Variants in ELOB observed in about 807,000 individuals in gnomAD.
The protein encoded by ELOB is elongin-B.
ELOB carries 3 observed loss-of-function variants against 12.9 expected under a neutral mutation model. The ratio of observed to expected loss-of-function variants is 0.23; its 90% confidence interval spans 0.11 to 0.60. ELOB has a LOEUF of 0.60. ELOB is among the 20% of genes least tolerant of loss of function. The pLI is 0.89. For synonymous variants in ELOB, 84 were observed against 67.4 expected, an observed-to-expected ratio of 1.25 and a Z score of -1.21; for missense variants, 126 against 159.2, an observed-to-expected ratio of 0.79 and a Z score of 1.12.
At position 2,777,249 on chromosome 16, in the gene ELOB, T is replaced by G. The variant is rs1296224640; in HGVS notation, c.-10A>C. On this transcript the variant is annotated 5_prime_UTR_variant, in exon 1 of 4. Coordinates refer to ENST00000409906, the MANE Select transcript of ELOB (RefSeq NM_007108.4). ...CACGCCCGCTCACCATCGCGGCTGC[T>G]GCCTCTCCCCTCGACGCGCCGGCGC... 4 of 1,024,412 alleles carry G rather than the reference T, an allele frequency of 3.9e-6. No homozygotes were observed. Among genetic ancestry groups the G allele is most frequent in the Non-Finnish European group, 4.7e-6 (4 of 855,162 alleles). The allele number at this position is 1,024,412 out of a possible 1,614,324, so 63.5% of individuals were successfully genotyped here.
At chr16:2,772,370 A>G in intron 3 of ELOB, 1 of 275,152 alleles carries the variant, frequency 3.6e-6, no homozygotes, top group Non-Finnish European at 6.9e-6. Flanking sequence ...TTCCATGTCC[A>G]CTAGTGAGTC....
intron 3 of ELOB, among the ~76,000 whole-genome samples, chr16:2,773,208 G>A (rs888921909): frequency 2.0e-5 from 3 of 152,074 alleles, no homozygotes; most frequent in Admixed American, 2.0e-4. Flanking sequence ...GGCATCCCAG[G>A]GAAAGCTGGA....
At position 2,771,889 on chromosome 16, in the gene ELOB, A is replaced by G. The variant is rs541577008; in HGVS notation, c.*101T>C. 145 of 1,486,932 alleles carry G rather than the reference A, an allele frequency of 9.8e-5. No homozygotes were observed. The highest frequency in any genetic ancestry group is 5.6e-4 in the Admixed American group (24 of 42,644). 92.1% of individuals were successfully genotyped at this position (1,486,932 alleles called of 1,614,324 possible). ...AGCACAAGCCCCAAAAGGAGCCCAC[A>G]GGGAGTGGGACCCATCCCAGGGAGG... On this transcript the variant is annotated 3_prime_UTR_variant, in exon 4 of 4. Coordinates refer to ENST00000409906, the MANE Select transcript of ELOB (RefSeq NM_007108.4).
Position 2,776,960 on chromosome 16 carries a change from ACCCGCTCCCCTCGG to A in ELOB, c.138+19_138+32del. Reference sequence around the variant, plus strand: ...GTCAGCCCCGTGCCCGGCGCCGGGTACCCGCTCCCCTCGGCCCGCCCGCGGGACCCACCTTGTAC... The same window carrying A: ...GTCAGCCCCGTGCCCGGCGCCGGGTACCCGCCCGCGGGACCCACCTTGTAC... On this transcript the variant is annotated intron_variant, in intron 2 of 3. Coordinates refer to ENST00000409906, the MANE Select transcript of ELOB (RefSeq NM_007108.4). The A allele has an allele frequency of 2.0e-6, 3 of 1,537,336 alleles. No individual in the cohort carries two copies. The highest frequency in any genetic ancestry group is 2.6e-6 in the Non-Finnish European group (3 of 1,140,708).
In ELOB at chr16:2,777,086, G is replaced by C; in HGVS notation, c.45C>G (p.Phe15Leu). The change falls in exon 2 of 4, where the codon TTC becomes TTG. Residue 15 changes from phenylalanine to leucine, a missense_variant. Coordinates refer to ENST00000409906, the MANE Select transcript of ELOB (RefSeq NM_007108.4). The part of the protein sequence containing the change: ...LMIRRHKTTI[F>L]TDAKESSTVF... ...CCGTGCTGGACTCCTTGGCGTCCGT[G>C]AAGATGGTGGTCTTGTGGCGCCGGA... 1 of 1,599,136 alleles carries C rather than the reference G, an allele frequency of 6.3e-7. No homozygotes were observed. Among genetic ancestry groups the C allele is most frequent in the Non-Finnish European group, 8.5e-7 (1 of 1,174,540 alleles).
At chr16:2,773,243 C>G (rs989339020) in intron 3 of ELOB, among the ~76,000 whole-genome samples, 37 of 152,024 alleles carry the variant, frequency 2.4e-4, no homozygotes, top group Admixed American at 6.5e-5. Flanking sequence ...TTGTGGCGGT[C>G]ACAAATGGGG....
At position 2,771,530 on chromosome 16, in the gene ELOB, C is replaced by T; in HGVS notation, c.*460G>A. 1 of 1,614,206 alleles carries T rather than the reference C, an allele frequency of 6.2e-7. No individual in the cohort carries two copies. On this transcript the variant is annotated 3_prime_UTR_variant, in exon 4 of 4. Coordinates refer to ENST00000409906, the MANE Select transcript of ELOB (RefSeq NM_007108.4). ...TCCGTCTTGGGGTTCCCTCGTTGAA[C>T]ATGCTGTCAAACCAGGACACTGGCT...
Position 2,777,032 on chromosome 16 carries a change from G to A in ELOB, c.99C>T (p.Gly33=), listed in dbSNP as rs1378683620. Residue 33 remains glycine, a synonymous_variant, in exon 2 of 4, where the codon GGC becomes GGT. Coordinates refer to ENST00000409906, the MANE Select transcript of ELOB (RefSeq NM_007108.4). ...TVFELKRIVE[G]ILKRPPDEQR... Reference sequence around the variant, plus strand: ...GCTCGTCAGGAGGCCGCTTGAGGATGCCCTCGACGATGCGCTTCAGTTCGA... The same window carrying A: ...GCTCGTCAGGAGGCCGCTTGAGGATACCCTCGACGATGCGCTTCAGTTCGA... The A allele has an allele frequency of 2.5e-6, 4 of 1,605,044 alleles. No individual in the cohort carries two copies. Among genetic ancestry groups the A allele is most frequent in the South Asian group, 1.1e-5 (1 of 89,952 alleles).
intron 2 of ELOB, among the ~76,000 whole-genome samples, chr16:2,776,044 C>T (rs1285105485): frequency 6.6e-6 from 1 of 152,196 alleles, no homozygotes. Context: ...GACCATGCCA[C>T]CACGGCTGGC....
At chr16:2,776,898 G>T in intron 2 of ELOB, 95 bp downstream of exon 2, 3 of 1,423,082 alleles carry the variant, frequency 2.1e-6, no homozygotes, top group South Asian at 2.6e-5. Context: ...CGCAGGCGTC[G>T]CCGGCCGCTA....
rs200603469 is a variant in ELOB at position 2,771,443 on chromosome 16, G to C, written c.*547C>G. The stretch of plus-strand genomic sequence containing the variant: ...TCTGTAGACTGTTTATTAAAGGTGT[G>C]TTAAGGGGGCAGCCACTTCCCTCCG... On this transcript the variant is annotated 3_prime_UTR_variant, in exon 4 of 4. Coordinates refer to ENST00000409906, the MANE Select transcript of ELOB (RefSeq NM_007108.4). 32 of 1,614,150 alleles carry C rather than the reference G, an allele frequency of 2.0e-5. No homozygotes were observed. The African/African-American group carries it at 3.2e-4, about 16-fold the overall frequency.
chr16:2,775,651 G>A (rs1186549382), intron 2 of ELOB, 95 bp from the exon 3 acceptor site: 1 of 925,794 alleles, frequency 1.1e-6, no homozygotes, highest in Non-Finnish European at 1.6e-6. Flanking sequence ...GAGGAGGGAA[G>A]AGAGAGTTCC....
chr16:2,773,070 C>G (rs1341330159), intron 3 of ELOB, among the ~76,000 whole-genome samples: 1 of 152,136 alleles, frequency 6.6e-6, no homozygotes, highest in African/African-American at 2.4e-5. Context: ...TCCAGGAAGG[C>G]AAAGGCCTTC....
At chr16:2,773,047 C>T (rs2068776224) in intron 3 of ELOB, among the ~76,000 whole-genome samples, 1 of 152,172 alleles carries the variant, frequency 6.6e-6, no homozygotes, top group Admixed American at 6.5e-5. Context: ...GACAAACTGC[C>T]CTTTTGACTG....
In ELOB at chr16:2,771,543, C is replaced by G. The variant is rs564715488; in HGVS notation, c.*447G>C. The G allele has an allele frequency of 3.7e-5, 60 of 1,614,166 alleles. No homozygotes were observed. The African/African-American group carries it at 7.2e-4, about 19-fold the overall frequency. On this transcript the variant is annotated 3_prime_UTR_variant, in exon 4 of 4. Coordinates refer to ENST00000409906, the MANE Select transcript of ELOB (RefSeq NM_007108.4). ...TCCCTCGTTGAACATGCTGTCAAAC[C>G]AGGACACTGGCTCCAGCTTGTGTTT...
At chr16:2,775,094 C>A (rs1297372648) in intron 3 of ELOB, among the ~76,000 whole-genome samples, 1 of 151,772 alleles carries the variant, frequency 6.6e-6, no homozygotes, top group South Asian at 2.1e-4. Context: ...CTGCAGAACA[C>A]GGATGATGGT....
intron 3 of ELOB, among the ~76,000 whole-genome samples, chr16:2,774,984 A>T (rs1275854199): frequency 4.6e-5 from 7 of 152,174 alleles, no homozygotes; most frequent in Non-Finnish European, 1.5e-5. Context: ...GGTGATACAT[A>T]GCATAGAGCC....
intron 2 of ELOB, 97 bp downstream of exon 2, chr16:2,776,896 T>G: frequency 1.4e-6 from 2 of 1,414,110 alleles, no homozygotes; most frequent in East Asian, 3.2e-5. Context: ...CCCGCAGGCG[T>G]CGCCGGCCGC....
Position 2,776,864 on chromosome 16 carries a change from T to C in ELOB, c.138+129A>G, listed in dbSNP as rs1421692020. 5 of 1,300,420 alleles carry C rather than the reference T, an allele frequency of 3.8e-6. No homozygotes were observed. In the East Asian group the frequency reaches 9.1e-5, roughly 24 times the overall value. 80.6% of individuals were successfully genotyped at this position (1,300,420 alleles called of 1,614,324 possible). ...TCGCGCTTCACCCGCACAACGGATG[T>C]CCCAGTCCCGCGGCTCGGGCGCCCG... On this transcript the variant is annotated intron_variant, in intron 2 of 3. Transcript: ENST00000409906.
Sources: gnomAD v4.1 joint callset for allele counts (sites outside exome capture counted in the v4.1 genomes callset) on GRCh38, gnomAD v4.1.1 for gene constraint, MANE v1.5 for transcripts, NCBI Gene and HGNC (gene_info 2026-07-23, HGNC 2026-07-21) for gene names.